The following CLEC7A variants were observed in gnomAD, a reference collection of about 807,000 sequenced individuals.
CLEC7A encodes the protein C-type lectin domain family 7 member A.
Under a neutral mutation model 26.9 loss-of-function variants are expected in CLEC7A, and 25 were observed. The ratio of observed to expected loss-of-function variants is 0.93; its 90% CI spans 0.68 to 1.30. CLEC7A has a LOEUF of 1.30. Among genes scored for constraint, CLEC7A ranks in the 50% most tolerant of loss-of-function variants. The pLI is 0.00. For missense variants in CLEC7A, 275 were observed against 286.7 expected, an observed-to-expected ratio of 0.96 and a Z score of 0.29; for synonymous variants, 100 against 99.5, an observed-to-expected ratio of 1.01 and a Z score of -0.03.
At chr12:10,125,014 T>C (rs1474428857) in intron 4 of CLEC7A, 1 of 363,668 alleles carries the variant, frequency 2.7e-6, no homozygotes, top group East Asian at 5.8e-5. Flanking sequence ...CCAGATGATA[T>C]GGAGAAACCT....
intron 5 of CLEC7A, 142 bp downstream of exon 5, chr12:10,123,103 T>C (rs1948148510): frequency 3.2e-6 from 2 of 618,394 alleles, no homozygotes; most frequent in South Asian, 4.0e-5. Context: ...GTTCACTCTT[T>C]CTCTTCTTCT....
rs1216845147 is a variant in CLEC7A at position 10,129,806 on chromosome 12, CAG to C, written c.103+172_103+173del. Among the ~76,000 whole-genome samples, 7 of 152,078 alleles carry C rather than the reference CAG, an allele frequency of 4.6e-5. No individual in the cohort carries two copies. In the East Asian group the frequency reaches 7.7e-4, roughly 17 times the overall value. ...CTAATTTTTGTATTTTTAGTAGAGA[CAG>C]AGTTTCACCACGTTAGCCAAGCTGG... On this transcript the variant is annotated intron_variant, in intron 1 of 5. Transcript: ENST00000304084.
intron 1 of CLEC7A, among the ~76,000 whole-genome samples, chr12:10,128,139 G>A (rs1470430656): frequency 6.6e-6 from 1 of 151,794 alleles, no homozygotes; most frequent in African/African-American, 2.4e-5. Context: ...TCTGGAGGCT[G>A]TGGCAGGAGG....
chr12:10,127,908 T>C, intron 1 of CLEC7A, 63 bp from the exon 2 acceptor site: 1 of 1,149,470 alleles, frequency 8.7e-7, no homozygotes, highest in Non-Finnish European at 1.2e-6. Flanking sequence ...TGGGGCAGTT[T>C]AATTCTACAG....
At chr12:10,121,434 G>T (rs989033015) in intron 5 of CLEC7A, among the ~76,000 whole-genome samples, 2 of 152,126 alleles carry the variant, frequency 1.3e-5, no homozygotes, top group Non-Finnish European at 1.5e-5. Flanking sequence ...CGCAGCGGAA[G>T]ATTTCAACAC....
chr12:10,128,738 A>ATATG (rs1455774511), intron 1 of CLEC7A, among the ~76,000 whole-genome samples: 1 of 152,184 alleles, frequency 6.6e-6, no homozygotes, highest in East Asian at 1.9e-4. Context: ...GTTTGCCTAC[A>ATATG]CATATGCATA....
chr12:10,126,248 G>C, intron 3 of CLEC7A: 1 of 979,808 alleles, frequency 1.0e-6, no homozygotes, highest in Non-Finnish European at 1.2e-6. Flanking sequence ...TGTAAGGGGA[G>C]AGAACACTTT....
intron 2 of CLEC7A, chr12:10,127,479 G>A: frequency 3.1e-6 from 5 of 1,605,680 alleles, no homozygotes; most frequent in Non-Finnish European, 4.3e-6. Flanking sequence ...GTAGTTAAGA[G>A]TATGAGTTTT....
At chr12:10,125,193 AAAAAAAG>A (rs762703329) in intron 4 of CLEC7A, 97 bp downstream of exon 4, 1 of 1,167,616 alleles carries the variant, frequency 8.6e-7, no homozygotes, top group East Asian at 2.4e-5. Flanking sequence ...AAAAAAAAAA[AAAAAAAG>A]ACTTCATTTT....
In CLEC7A at chr12:10,126,924, A is replaced by AG. The variant is rs1002539510; in HGVS notation, c.203-217_203-216insC. On this transcript the variant is annotated intron_variant, in intron 2 of 5. Coordinates refer to ENST00000304084, the MANE Select transcript of CLEC7A (RefSeq NM_197947.3). ...ATAAAGGAGGTATAGTAAAAAAAAA[A>AG]AAAGAAAAGAAAAAAGAAGGTGGAG... 216 of 858,084 alleles carry AG rather than the reference A, an allele frequency of 2.5e-4. No homozygotes were observed. The African/African-American group carries it at 3.6e-3, about 14-fold the overall frequency. The allele number at this position is 858,084 out of a possible 1,614,324, so 53.2% of individuals were successfully genotyped here.
chr12:10,118,602 GA>G lies in CLEC7A; in HGVS notation c.612-13del. 6.2e-7 allele frequency: 1 copy of G among 1,608,986 alleles called. No homozygotes were observed. The highest frequency in any genetic ancestry group is 2.2e-5 in the East Asian group (1 of 44,804). ...TTCTGATCTGAAATCTGTTAAAATA[GA>G]ATACAGTGAGGTAATTAGAACAAAT... is the stretch of plus-strand genomic sequence containing the variant. On this transcript the variant is annotated splice_polypyrimidine_tract_variant and intron_variant, in intron 5 of 5. Transcript: ENST00000304084.
rs59819090 is a variant in CLEC7A, at chr12:10,125,307, G to A, written c.482C>T (p.Ser161Leu). Reference protein sequence around the residue: ...LGSNLLKIDSSNELGFIVKQV... With the variant: ...LGSNLLKIDSLNELGFIVKQV... ...GAAGTCTACACTTACCAATTCATTT[G>A]AGCTGTCTATCTTTAGGAGATTAGA... The change falls in exon 4 of 6, where the codon TCA becomes TTA. Residue 161 changes from serine (S) to leucine (L), a missense_variant. Physicochemically the swap from Ser to Leu is moderately radical, Grantham distance 145 (BLOSUM62 -2). Transcript: ENST00000304084. 4,432 of 1,611,586 alleles carry A rather than the reference G, an allele frequency of 2.8e-3. 72 individuals carry two copies. The African/African-American group carries it at 0.049, about 18-fold the overall frequency.
chr12:10,125,314 C>CT lies in CLEC7A; in HGVS notation c.474dup (p.Asp159ArgfsTer5), dbSNP rs1302972586. On this transcript the variant is annotated frameshift_variant, in exon 4 of 6. Coordinates refer to ENST00000304084, the MANE Select transcript of CLEC7A (RefSeq NM_197947.3). LOFTEE classifies it high-confidence loss of function. ...ACACTTACCAATTCATTTGAGCTGT[C>CT]TATCTTTAGGAGATTAGAGCCCAGT... 1 of 1,613,588 alleles carries CT rather than the reference C, an allele frequency of 6.2e-7. No homozygotes were observed. Among genetic ancestry groups the CT allele is most frequent in the Admixed American group, 1.7e-5 (1 of 60,000 alleles).
intron 2 of CLEC7A, chr12:10,126,921 AAAAAAAG>A: frequency 3.5e-6 from 3 of 854,040 alleles, no homozygotes; most frequent in African/African-American, 1.8e-5. Context: ...TAGTAAAAAA[AAAAAAAG>A]AAAAGAAAAA....
rs751966143 is a variant in CLEC7A, at chr12:10,123,236, A to G, written c.611+9T>C. On this transcript the variant is annotated intron_variant, in intron 5 of 5. Transcript: ENST00000304084. Reference sequence around the variant, plus strand: ...AAAAGGATGAAGCATTGTCTCTCCAAACACTTACAAGTTAGAAGAGAATGT... The same window carrying G: ...AAAAGGATGAAGCATTGTCTCTCCAGACACTTACAAGTTAGAAGAGAATGT... The G allele has an allele frequency of 3.9e-6, 6 of 1,543,948 alleles. No individual in the cohort carries two copies. In the East Asian group the frequency reaches 9.0e-5, roughly 23 times the overall value.
Position 10,118,324 on chromosome 12 carries a change from G to A in CLEC7A, c.*134C>T. ...CACAGCCTCTCCCTTCAATTTCTTG[G>A]TTAAGATTACAGTTGGCCAAGCTCT... On this transcript the variant is annotated 3_prime_UTR_variant, in exon 6 of 6. Coordinates refer to ENST00000304084, the MANE Select transcript of CLEC7A (RefSeq NM_197947.3). The A allele has an allele frequency of 1.3e-6, 1 of 788,688 alleles. No individual in the cohort carries two copies. Among genetic ancestry groups the A allele is most frequent in the South Asian group, 1.8e-5 (1 of 54,918 alleles). The allele number at this position is 788,688 out of a possible 1,614,324, so 48.9% of individuals were successfully genotyped here.
chr12:10,125,218 A>G, intron 4 of CLEC7A, 79 bp downstream of exon 4: 1 of 1,328,054 alleles, frequency 7.5e-7, no homozygotes, highest in Non-Finnish European at 1.1e-6. Context: ...TTTAGGAAAA[A>G]TTGTCATTAC....
chr12:10,124,879 C>T, intron 4 of CLEC7A: 1 of 179,594 alleles, frequency 5.6e-6, no homozygotes. Flanking sequence ...TTAAGGCATG[C>T]TATGATTATA....
chr12:10,124,370 A>G (rs1778971149), intron 4 of CLEC7A, among the ~76,000 whole-genome samples: 1 of 152,204 alleles, frequency 6.6e-6, no homozygotes, highest in South Asian at 2.1e-4. Flanking sequence ...AATTTTTCCT[A>G]TTAACCCCTT....
Sources: gnomAD v4.1 joint callset for allele counts (sites outside exome capture counted in the v4.1 genomes callset) on GRCh38, gnomAD v4.1.1 for gene constraint, MANE v1.5 for transcripts, NCBI Gene and HGNC (gene_info 2026-07-23, HGNC 2026-07-21) for gene names.